MAGI1: variants seen among roughly 807,000 people sequenced by gnomAD.
MAGI1 encodes the protein membrane-associated guanylate kinase, WW and PDZ domain-containing protein 1.
In MAGI1, 58 loss-of-function variants were observed where a neutral mutation model predicts 139.9. The observed-to-expected ratio is 0.41, with a 90% confidence interval of 0.34 to 0.52. MAGI1 has a LOEUF of 0.52. Among genes scored for constraint, MAGI1 ranks in the 20% least tolerant of loss-of-function variants. MAGI1 has a pLI of 0.12. For missense variants in MAGI1, 1,874 were observed against 1,901.6 expected (o/e 0.99, Z 0.27); for synonymous variants, 812 against 737.9 (o/e 1.10, Z -1.63).
chr3:65,478,684 G>A lies in MAGI1; in HGVS notation c.665C>T (p.Thr222Ile), dbSNP rs753011416. 3.1e-6 allele frequency: 5 copies of A among 1,613,918 alleles called. No individual in the cohort carries two copies. In the South Asian group the frequency reaches 5.5e-5, roughly 18 times the overall value. ...SGSKQSTPKR[T>I]KSYNDMQNAG... ...ATTTTGCATATCATTGTAGGACTTG[G>A]TTCGCTTCGGGGTCGACTGCTTAGA... Residue 222 changes from threonine (T) to isoleucine (I), a missense_variant, in exon 4 of 23, where the codon ACC becomes ATC. Transcript: ENST00000402939.
chr3:65,636,207 T>C (rs1163829141), intron 1 of MAGI1, among the ~76,000 whole-genome samples: 1 of 152,192 alleles, frequency 6.6e-6, no homozygotes, highest in Non-Finnish European at 1.5e-5. Context: ...ATTTCATATG[T>C]TGCCAACCCA....
intron 2 of MAGI1, among the ~76,000 whole-genome samples, chr3:65,555,913 G>A (rs992553853): frequency 6.6e-6 from 1 of 152,114 alleles, no homozygotes; most frequent in African/African-American, 2.4e-5. Flanking sequence ...TGGAAACTAG[G>A]CATTCACTTA....
At chr3:65,529,724 C>T (rs1952169768) in intron 2 of MAGI1, among the ~76,000 whole-genome samples, 1 of 151,942 alleles carries the variant, frequency 6.6e-6, no homozygotes, top group Non-Finnish European at 1.5e-5. Flanking sequence ...GAGTACATAC[C>T]TAGGAGTGAA....
intron 2 of MAGI1, 32 bp downstream of exon 2, chr3:65,621,940 C>CACACACACAG (rs1434800362): frequency 1.4e-6 from 2 of 1,453,786 alleles, no homozygotes; most frequent in Non-Finnish European, 1.9e-6. Flanking sequence ...CACACACACA[C>CACACACACAG]AGCAGTGAGA....
At chr3:65,463,437 G>A (rs915435191) in intron 5 of MAGI1, among the ~76,000 whole-genome samples, 8 of 152,142 alleles carry the variant, frequency 5.3e-5, no homozygotes, top group Non-Finnish European at 8.8e-5. Context: ...CAGCCTTGCA[G>A]CCCAGGGATG....
chr3:65,436,999 A>G (rs1947900010), intron 10 of MAGI1, among the ~76,000 whole-genome samples, 156 bp downstream of exon 10: 1 of 152,210 alleles, frequency 6.6e-6, no homozygotes, highest in Non-Finnish European at 1.5e-5. Flanking sequence ...TTTCTTGACA[A>G]GTCTAACAAT....
intron 5 of MAGI1, among the ~76,000 whole-genome samples, chr3:65,460,713 C>G (rs1311153635): frequency 6.6e-6 from 1 of 152,052 alleles, no homozygotes; most frequent in Non-Finnish European, 1.5e-5. Flanking sequence ...CACCCTCCAA[C>G]AGGTCCCCTA....
At chr3:65,885,362 A>C (rs2060489134) in intron 1 of MAGI1, among the ~76,000 whole-genome samples, 1 of 151,542 alleles carries the variant, frequency 6.6e-6, no homozygotes, top group Non-Finnish European at 1.5e-5. Context: ...GTGCCACTGC[A>C]CTCCAGCTTG....
At chr3:65,726,799 T>C (rs1347096284) in intron 1 of MAGI1, among the ~76,000 whole-genome samples, 1 of 152,054 alleles carries the variant, frequency 6.6e-6, no homozygotes, top group Non-Finnish European at 1.5e-5. Context: ...TACGAGCATC[T>C]TGATAGGGCT....
At chr3:65,844,114 G>A (rs1214136646) in intron 1 of MAGI1, 4 of 516,996 alleles carry the variant, frequency 7.7e-6, no homozygotes, top group Non-Finnish European at 1.2e-5. Context: ...GGGCCAAACA[G>A]TGGGGCTGGA....
intron 1 of MAGI1, among the ~76,000 whole-genome samples, chr3:66,024,936 C>T (rs2107568892): frequency 6.6e-6 from 1 of 152,238 alleles, no homozygotes; most frequent in African/African-American, 2.4e-5. Flanking sequence ...TCTCGATATA[C>T]AGCCAGAAGG....
At chr3:65,431,519 C>T (rs181943517) in intron 10 of MAGI1, among the ~76,000 whole-genome samples, 93 of 152,126 alleles carry the variant, frequency 6.1e-4, no homozygotes, top group African/African-American at 2.0e-3. Context: ...ATATAGCCAA[C>T]GCATGCCTAG....
intron 7 of MAGI1, among the ~76,000 whole-genome samples, chr3:65,444,518 C>T (rs1376732686): frequency 6.6e-6 from 1 of 152,132 alleles, no homozygotes; most frequent in Non-Finnish European, 1.5e-5. Context: ...GCCTGATTAT[C>T]TTTAGATAAA....
At chr3:65,722,172 T>C (rs928975588) in intron 1 of MAGI1, among the ~76,000 whole-genome samples, 2 of 152,164 alleles carry the variant, frequency 1.3e-5, no homozygotes, top group Non-Finnish European at 1.5e-5. Context: ...AGGTGGAATA[T>C]TTCTACTTTG....
At chr3:65,757,105 T>C (rs1034550697) in intron 1 of MAGI1, among the ~76,000 whole-genome samples, 4 of 152,274 alleles carry the variant, frequency 2.6e-5, no homozygotes, top group East Asian at 3.9e-4. Context: ...CCTTCTCAAA[T>C]TATGTAGCTT....
intron 12 of MAGI1, among the ~76,000 whole-genome samples, chr3:65,402,665 G>C (rs928635733): frequency 2.0e-5 from 3 of 152,126 alleles, no homozygotes; most frequent in Non-Finnish European, 2.9e-5. Context: ...TTTTGGAAGT[G>C]ACTTGTCAAA....
chr3:66,005,839 C>T lies in MAGI1; in HGVS notation c.313+32157G>A, dbSNP rs563029794. On this transcript the variant is annotated intron_variant, in intron 1 of 22. Transcript: ENST00000402939. ...CAGGAATCTAGAGATGGAATGATGA[C>T]AAATAAACAGAGAGGGAAAGGGCAC... Among the ~76,000 whole-genome samples, 67 of 150,084 alleles carry T rather than the reference C, an allele frequency of 4.5e-4. 2 individuals are homozygous for T. In the South Asian group the frequency reaches 0.014, roughly 32 times the overall value.
At chr3:65,454,526 T>TATTATAATA (rs1553646590) in intron 5 of MAGI1, among the ~76,000 whole-genome samples, 3 of 83,138 alleles carry the variant, frequency 3.6e-5, no homozygotes, top group African/African-American at 8.9e-5. Context: ...AAACTGAAAG[T>TATTATAATA]ATAATAATAA....
chr3:65,891,346 C>G (rs1191186848), intron 1 of MAGI1, among the ~76,000 whole-genome samples: 6 of 152,062 alleles, frequency 3.9e-5, no homozygotes, highest in Non-Finnish European at 4.4e-5. Flanking sequence ...AAGTCATTTA[C>G]TGAGCACCTA....
Sources: allele counts gnomAD v4.1 joint callset (sites outside exome capture counted in the v4.1 genomes callset), GRCh38; gene constraint gnomAD v4.1.1; transcripts MANE v1.5; gene names NCBI Gene and HGNC (gene_info 2026-07-23, HGNC 2026-07-21).